The following COL19A1 variants were observed in gnomAD, a reference collection of about 807,000 sequenced individuals.
COL19A1 encodes the protein collagen type XIX alpha 1 chain.
COL19A1 carries 159 observed loss-of-function variants against 190.2 expected under a neutral mutation model. The ratio of observed to expected loss-of-function variants is 0.84; its 90% CI spans 0.73 to 0.95. The LOEUF (loss-of-function observed/expected upper bound fraction) is 0.95, where lower values mean the gene tolerates loss of function less well. Ranked by LOEUF, COL19A1 falls within the 40% of genes least tolerant of loss-of-function variation. The pLI, the probability that COL19A1 is intolerant of heterozygous loss-of-function variation, is 0.00. For synonymous variants in COL19A1, 509 were observed against 458.9 expected (o/e 1.11, Z -1.39); for missense variants, 1,418 against 1,431.9 (o/e 0.99, Z 0.16).
chr6:70,046,275 C>G (rs1203046183), intron 14 of COL19A1, among the ~76,000 whole-genome samples: 1 of 152,102 alleles, frequency 6.6e-6, no homozygotes, highest in Non-Finnish European at 1.5e-5. Context: ...AATGGTCTCC[C>G]TCCTTCTCCC....
chr6:70,129,176 A>T lies in COL19A1; in HGVS notation c.1342-1006A>T, dbSNP rs558490055. ...AGGCTGTCTTGGTCAGTGGACGCAA[A>T]AAGCACTAACTACCCTTTTGAGAAA... On this transcript the variant is annotated intron_variant, in intron 17 of 50. Transcript: ENST00000620364. 6.4e-4 allele frequency among the ~76,000 whole-genome samples: 98 copies of T among 152,342 alleles called. 1 individual carries two copies. The highest frequency in any genetic ancestry group is 2.3e-3 in the African/African-American group (95 of 41,578).
At chr6:69,964,348 A>T (rs989792873) in intron 11 of COL19A1, among the ~76,000 whole-genome samples, 2 of 152,178 alleles carry the variant, frequency 1.3e-5, no homozygotes, top group Non-Finnish European at 2.9e-5. Flanking sequence ...AATCCCTTGA[A>T]CATTTTTGCT....
intron 1 of COL19A1, among the ~76,000 whole-genome samples, chr6:69,868,200 G>GAAAA (rs543690440): frequency 1.4e-5 from 2 of 142,954 alleles, no homozygotes; most frequent in South Asian, 4.5e-4. Context: ...AGACTAAAGG[G>GAAAA]AAAAAAAAAA....
chr6:70,203,547 G>A (rs549630299), intron 49 of COL19A1, among the ~76,000 whole-genome samples: 5 of 152,144 alleles, frequency 3.3e-5, no homozygotes, highest in Admixed American at 2.0e-4. Flanking sequence ...TGTAAGGCAC[G>A]AGGCAACCCC....
chr6:70,125,973 G>A (rs985256925), intron 17 of COL19A1, among the ~76,000 whole-genome samples: 10 of 152,132 alleles, frequency 6.6e-5, no homozygotes, highest in African/African-American at 2.2e-4. Flanking sequence ...AAAAAAATAC[G>A]TTTTATCTGC....
chr6:70,023,099 TC>T (rs1158362193), intron 11 of COL19A1, among the ~76,000 whole-genome samples: 1 of 152,016 alleles, frequency 6.6e-6, no homozygotes, highest in African/African-American at 2.4e-5. Context: ...ATATTCTTGT[TC>T]CATTTTTATG....
rs1274693257 is a variant in COL19A1, at chr6:69,924,490, T to C, written c.267-3419T>C. 2.0e-5 allele frequency among the ~76,000 whole-genome samples: 3 copies of C among 152,328 alleles called. No homozygotes were observed. In the East Asian group the frequency reaches 5.8e-4, roughly 29 times the overall value. On this transcript the variant is annotated intron_variant, in intron 4 of 50. Transcript: ENST00000620364. ...GTGTATATGTGCCACATTTTCTTAA[T>C]CCAGTCTATCATTGATGGACACGTG...
intron 48 of COL19A1, among the ~76,000 whole-genome samples, chr6:70,195,602 T>C (rs183772964): frequency 2.6e-4 from 39 of 152,186 alleles, no homozygotes; most frequent in Admixed American, 1.2e-3. Context: ...AAACCCTCAG[T>C]CTTTTGCTAG....
In COL19A1 at chr6:69,896,465, A is replaced by G. The variant is rs1024736595; in HGVS notation, c.92-2483A>G. Among the ~76,000 whole-genome samples the G allele has an allele frequency of 2.9e-5, 4 of 137,800 alleles. No individual in the cohort carries two copies. The East Asian group carries it at 9.5e-4, about 33-fold the overall frequency. 90.4% of individuals were successfully genotyped at this position (137,800 alleles called of 152,430 possible). A position where few individuals can be genotyped will look rare whatever the true frequency, so the allele number is the denominator to read the frequency against. ...GGCAGGAGAATGGCGTGAACCCGGG[A>G]GGCGGAGCTTGCAGTGAGCCGAGAT... On this transcript the variant is annotated intron_variant, in intron 2 of 50. Transcript: ENST00000620364.
At chr6:69,915,360 T>C (rs887218651) in intron 4 of COL19A1, among the ~76,000 whole-genome samples, 3 of 152,208 alleles carry the variant, frequency 2.0e-5, no homozygotes, top group Non-Finnish European at 4.4e-5. Flanking sequence ...TGAATTAATT[T>C]TAAAATTTTC....
At chr6:69,956,391 A>T (rs1774421723) in intron 9 of COL19A1, among the ~76,000 whole-genome samples, 1 of 152,030 alleles carries the variant, frequency 6.6e-6, no homozygotes, top group Non-Finnish European at 1.5e-5. Context: ...TGCTATATAT[A>T]TATTTTTAAC....
At chr6:70,077,091 A>G (rs1238931086) in intron 15 of COL19A1, among the ~76,000 whole-genome samples, 1 of 152,220 alleles carries the variant, frequency 6.6e-6, no homozygotes, top group Non-Finnish European at 1.5e-5. Context: ...TTATGGCCTA[A>G]TGACTTTGAA....
intron 31 of COL19A1, among the ~76,000 whole-genome samples, chr6:70,152,932 C>A (rs1787164593): frequency 6.6e-6 from 1 of 152,092 alleles, no homozygotes; most frequent in Non-Finnish European, 1.5e-5. Flanking sequence ...CATGAATAGG[C>A]TCTGACGGGA....
At chr6:70,200,490 A>G (rs1360970875) in intron 49 of COL19A1, among the ~76,000 whole-genome samples, 1 of 152,226 alleles carries the variant, frequency 6.6e-6, no homozygotes. Context: ...AATATATATC[A>G]TGAAAGATAA....
chr6:70,129,422 TCTC>T (rs1381532737), intron 17 of COL19A1, among the ~76,000 whole-genome samples: 10 of 151,950 alleles, frequency 6.6e-5, no homozygotes, highest in African/African-American at 2.2e-4. Context: ...ATAAGGAAAA[TCTC>T]CTAAGAAGGC....
chr6:70,140,807 A>C, intron 19 of COL19A1, 147 bp from the exon 20 acceptor site: 1 of 728,480 alleles, frequency 1.4e-6, no homozygotes, highest in Non-Finnish European at 2.4e-6. Flanking sequence ...TTTAAGCTGC[A>C]AAGACAGACT....
intron 42 of COL19A1, among the ~76,000 whole-genome samples, chr6:70,178,713 A>G (rs1765972501): frequency 6.6e-6 from 1 of 152,194 alleles, no homozygotes; most frequent in Non-Finnish European, 1.5e-5. Context: ...GCCCACACAG[A>G]GACACTGGTA....
intron 16 of COL19A1, among the ~76,000 whole-genome samples, chr6:70,106,412 G>T (rs970863159): frequency 6.6e-5 from 10 of 151,566 alleles, no homozygotes; most frequent in African/African-American, 2.4e-4. Context: ...AGGGAAAAAA[G>T]ATTTCTAATA....
intron 31 of COL19A1, among the ~76,000 whole-genome samples, chr6:70,155,284 C>T (rs549189326): frequency 6.6e-6 from 1 of 152,224 alleles, no homozygotes; most frequent in East Asian, 1.9e-4. Context: ...AGAATGGAAA[C>T]TTAAGTTGTC....
Sources: gnomAD v4.1 joint callset for allele counts (sites outside exome capture counted in the v4.1 genomes callset) on GRCh38, gnomAD v4.1.1 for gene constraint, MANE v1.5 for transcripts, NCBI Gene and HGNC (gene_info 2026-07-23, HGNC 2026-07-21) for gene names.